Variants in MARCHF7 observed in about 807,000 individuals in gnomAD.
MARCHF7 encodes E3 ubiquitin-protein ligase MARCHF7.
Under a neutral mutation model 76.5 loss-of-function variants are expected in MARCHF7, and 20 were observed. The ratio of observed to expected loss-of-function variants is 0.26; its 90% confidence interval spans 0.18 to 0.38. The LOEUF is 0.38. MARCHF7 is among the 10% of genes least tolerant of loss of function. MARCHF7 has a pLI of 1.00. For missense variants in MARCHF7, 797 were observed against 812.9 expected (o/e 0.98, Z 0.24); for synonymous variants, 295 against 293.0 (o/e 1.01, Z -0.07).
rs1277137114 is a variant in MARCHF7, at chr2:159,769,147, G to C, written c.*1805G>C. ...ACCATACACTGCTCACTACAAGAAT[G>C]CAATTTTCTAAGAAAATGTAGTTTA... On this transcript the variant is annotated 3_prime_UTR_variant, in exon 12 of 12. Coordinates refer to ENST00000409175, the MANE Select transcript of MARCHF7 (RefSeq NM_001282805.2). 1 of 152,152 alleles carries C rather than the reference G, an allele frequency of 6.6e-6. No homozygotes were observed. The highest frequency in any genetic ancestry group is 1.5e-5 in the Non-Finnish European group (1 of 68,010). 9.4% of individuals were successfully genotyped at this position (152,152 alleles called of 1,614,324 possible). A position where few individuals can be genotyped will look rare whatever the true frequency, so the allele number is the denominator to read the frequency against.
intron 4 of MARCHF7, 36 bp from the exon 5 acceptor site, chr2:159,743,025 C>G (rs1291582614): frequency 1.9e-6 from 3 of 1,569,494 alleles, no homozygotes; most frequent in African/African-American, 2.7e-5. Flanking sequence ...CTGAATGCAG[C>G]CTTTTGTTGT....
chr2:159,751,821 C>G (rs1201954157), intron 7 of MARCHF7, among the ~76,000 whole-genome samples: 1 of 152,070 alleles, frequency 6.6e-6, no homozygotes, highest in Admixed American at 6.5e-5. Context: ...GCCGAGGGGG[C>G]AGATGGAGAA....
intron 4 of MARCHF7, among the ~76,000 whole-genome samples, chr2:159,731,069 T>C (rs895073626): frequency 2.0e-5 from 3 of 152,086 alleles, no homozygotes; most frequent in African/African-American, 7.2e-5. Flanking sequence ...ATTTTTGTGT[T>C]TTTTTGAAGA....
intron 5 of MARCHF7, among the ~76,000 whole-genome samples, chr2:159,744,892 CTT>C (rs1337308443): frequency 2.6e-5 from 4 of 152,158 alleles, no homozygotes; most frequent in South Asian, 2.1e-4. Flanking sequence ...AGGTTTGAGA[CTT>C]AATGTTTAAT....
intron 5 of MARCHF7, 36 bp from the exon 6 acceptor site, chr2:159,745,734 C>T (rs1704786448): frequency 6.7e-7 from 1 of 1,483,290 alleles, no homozygotes; most frequent in Non-Finnish European, 9.2e-7. Flanking sequence ...GCCTTGAAAG[C>T]TTTCTCTGAA....
At chr2:159,734,081 CAGTA>C (rs775065847) in intron 4 of MARCHF7, 33 of 1,340,302 alleles carry the variant, frequency 2.5e-5, no homozygotes, top group South Asian at 2.3e-4. Context: ...TCTTTAGTAA[CAGTA>C]AGCAAAATTT....
intron 7 of MARCHF7, among the ~76,000 whole-genome samples, chr2:159,749,170 G>A (rs538119830): frequency 6.6e-6 from 1 of 151,580 alleles, no homozygotes; most frequent in African/African-American, 2.4e-5. Context: ...TAGGGACGGG[G>A]TTTCACCATG....
chr2:159,742,480 GA>G (rs926608833), intron 4 of MARCHF7, among the ~76,000 whole-genome samples: 2 of 151,062 alleles, frequency 1.3e-5, no homozygotes, highest in African/African-American at 2.4e-5. Flanking sequence ...TTTTCAAAAA[GA>G]AAAAAACAAA....
At chr2:159,750,294 AG>A (rs1333069252) in intron 7 of MARCHF7, among the ~76,000 whole-genome samples, 2 of 152,218 alleles carry the variant, frequency 1.3e-5, no homozygotes, top group African/African-American at 4.8e-5. Context: ...TGGGAGGCCA[AG>A]GTGGGCAGAT....
Position 159,743,045 on chromosome 2 carries a change from T to C in MARCHF7, c.154-16T>C. ...TGCAGCCTTTTGTTGTTTAAAAAAT[T>C]TTTTTGAACTCACAGTCTACATCAG... On this transcript the variant is annotated splice_polypyrimidine_tract_variant and intron_variant, in intron 4 of 11. Coordinates refer to ENST00000409175, the MANE Select transcript of MARCHF7 (RefSeq NM_001282805.2). 1 of 1,598,532 alleles carries C rather than the reference T, an allele frequency of 6.3e-7. No individual in the cohort carries two copies. The highest frequency in any genetic ancestry group is 8.5e-7 in the Non-Finnish European group (1 of 1,171,766).
At chr2:159,734,402 ATTAATTT>A (rs140671911) in intron 4 of MARCHF7, among the ~76,000 whole-genome samples, 34,147 of 151,536 alleles carry the variant, frequency 0.23, 5,091 homozygotes, top group Admixed American at 0.37. Context: ...ACCAGTGGTC[ATTAATTT>A]TTAAAACTAC....
At position 159,748,791 on chromosome 2, in the gene MARCHF7, A is replaced by C; in HGVS notation, c.1501A>C (p.Met501Leu). ...TGGGAGTAATTTGACCGACAATGTC[A>C]TGATCACAGTAGATATTATTCCTTC... is the stretch of plus-strand genomic sequence containing the variant. ...ALGSNLTDNV[M>L]ITVDIIPSGW... is the part of the protein sequence containing the mutation. The change falls in exon 7 of 12, where the codon ATG (methionine) becomes CTG (leucine). Residue 501 changes from methionine (M) to leucine (L), a missense_variant. Physicochemically the swap from Met to Leu is conservative, Grantham distance 15. Transcript: ENST00000409175. 6.2e-7 allele frequency: 1 copy of C among 1,614,086 alleles called. No homozygotes were observed. The highest frequency in any genetic ancestry group is 2.2e-5 in the East Asian group (1 of 44,896).
At position 159,768,091 on chromosome 2, in the gene MARCHF7, T is replaced by C. The variant is rs1455394547; in HGVS notation, c.*749T>C. 1 of 152,608 alleles carries C rather than the reference T, an allele frequency of 6.6e-6. No individual in the cohort carries two copies. The allele number at this position is 152,608 out of a possible 1,614,324, so 9.5% of individuals were successfully genotyped here. A position where few individuals can be genotyped will look rare whatever the true frequency, so the allele number is the denominator to read the frequency against. ...ATGAGACTTGCCAGTCAAATGCTAT[T>C]TGGTTTAAAAAAATTATTGCAATCT... On this transcript the variant is annotated 3_prime_UTR_variant, in exon 12 of 12. Coordinates refer to ENST00000409175, the MANE Select transcript of MARCHF7 (RefSeq NM_001282805.2).
intron 4 of MARCHF7, among the ~76,000 whole-genome samples, chr2:159,742,115 TTA>T (rs1704196561): frequency 6.6e-6 from 1 of 152,220 alleles, no homozygotes; most frequent in South Asian, 2.1e-4. Context: ...AGTTTGTACA[TTA>T]TCAGTGATAC....
chr2:159,739,888 T>G (rs1703925520), intron 4 of MARCHF7, among the ~76,000 whole-genome samples: 1 of 152,184 alleles, frequency 6.6e-6, no homozygotes, highest in South Asian at 2.1e-4. Context: ...GTGTCGTGAG[T>G]CATGAAAATT....
Position 159,715,750 on chromosome 2 carries a change from T to C in MARCHF7, c.-31T>C, listed in dbSNP as rs76854249. ...CTGCCCTCAAATATATTTCTCTGAC[T>C]CTACCGGTTAGACTAGGTAAGTTGA... is the stretch of plus-strand genomic sequence containing the variant. On this transcript the variant is annotated 5_prime_UTR_variant, in exon 3 of 12. Coordinates refer to ENST00000409175, the MANE Select transcript of MARCHF7 (RefSeq NM_001282805.2). 6.6e-6 allele frequency: 1 copy of C among 152,200 alleles called. No homozygotes were observed. The highest frequency in any genetic ancestry group is 6.5e-5 in the Admixed American group (1 of 15,276). The allele number at this position is 152,200 out of a possible 1,614,324, so 9.4% of individuals were successfully genotyped here.
chr2:159,715,357 G>T (rs1368520309), intron 2 of MARCHF7, among the ~76,000 whole-genome samples: 3 of 151,460 alleles, frequency 2.0e-5, no homozygotes, highest in African/African-American at 7.3e-5. Context: ...GAGAGTTTAG[G>T]TGGGGGGGGT....
rs1708129847 is a variant in MARCHF7, at chr2:159,770,998, T to C, written c.*3656T>C. On this transcript the variant is annotated 3_prime_UTR_variant, in exon 12 of 12. Coordinates refer to ENST00000409175, the MANE Select transcript of MARCHF7 (RefSeq NM_001282805.2). ...TTCACCTTTTTCTTAAAATGTACAA[T>C]AAATGCACTGAAAACTTTGATCACT... 6.6e-6 allele frequency: 1 copy of C among 152,214 alleles called. No individual in the cohort carries two copies. Among genetic ancestry groups the C allele is most frequent in the South Asian group, 2.1e-4 (1 of 4,836 alleles). The allele number at this position is 152,214 out of a possible 1,614,324, so 9.4% of individuals were successfully genotyped here. A position where few individuals can be genotyped will look rare whatever the true frequency, so the allele number is the denominator to read the frequency against.
In MARCHF7 at chr2:159,747,865, G is replaced by A. The variant is rs540482309; in HGVS notation, c.575G>A (p.Ser192Asn). The A allele has an allele frequency of 5.6e-6, 9 of 1,613,338 alleles. No homozygotes were observed. In the Admixed American group the frequency reaches 1.0e-4, roughly 18 times the overall value. The change falls in exon 7 of 12, where the codon AGC becomes AAC. Residue 192 changes from serine to asparagine, a missense_variant. Physicochemically the swap from Ser to Asn is conservative, Grantham distance 46. Coordinates refer to ENST00000409175, the MANE Select transcript of MARCHF7 (RefSeq NM_001282805.2). ...QGARPKENSM[S>N]TLQLNTSSTN... ...GCAAGACCAAAAGAAAACTCAATGA[G>A]CACTTTACAGTTGAATACATCATCC...
Sources: allele counts gnomAD v4.1 joint callset (sites outside exome capture counted in the v4.1 genomes callset), GRCh38; gene constraint gnomAD v4.1.1; transcripts MANE v1.5; gene names NCBI Gene and HGNC (gene_info 2026-07-23, HGNC 2026-07-21).